DPYD: variants seen among roughly 807,000 people sequenced by gnomAD.
The protein encoded by DPYD is dihydropyrimidine dehydrogenase.
A neutral mutation model predicts 116.2 loss-of-function variants in DPYD; 109 were observed. That is an observed-to-expected ratio of 0.94 (90% CI 0.80 to 1.10). The LOEUF is 1.10. Ranked by LOEUF, DPYD falls within the 50% of genes least tolerant of loss-of-function variation. DPYD has a pLI of 0.00. For missense variants in DPYD, 1,302 were observed against 1,254.5 expected (o/e 1.04, Z -0.57); for synonymous variants, 440 against 432.0 (o/e 1.02, Z -0.23).
intron 3 of DPYD, among the ~76,000 whole-genome samples, chr1:97,744,687 A>G (rs985873259): frequency 1.2e-4 from 19 of 152,040 alleles, no homozygotes; most frequent in Non-Finnish European, 2.5e-4. Context: ...CTACATCATC[A>G]TTTGGAAAGT....
At chr1:97,532,366 G>T (rs1286713316) in intron 12 of DPYD, among the ~76,000 whole-genome samples, 3 of 152,100 alleles carry the variant, frequency 2.0e-5, no homozygotes, top group Non-Finnish European at 4.4e-5. Flanking sequence ...TCTTTGTCTG[G>T]ATTTGGTAAC....
At chr1:97,322,613 A>G (rs1271455478) in intron 16 of DPYD, 5 of 152,006 alleles carry the variant, frequency 3.3e-5, no homozygotes, top group Non-Finnish European at 7.4e-5. Context: ...AAATCCTTGA[A>G]TATATTTATT....
chr1:97,222,477 T>C (rs753613917), intron 19 of DPYD, among the ~76,000 whole-genome samples: 2 of 152,160 alleles, frequency 1.3e-5, no homozygotes, highest in Non-Finnish European at 2.9e-5. Flanking sequence ...AAGTGGAGAA[T>C]GTGTAGTCAC....
intron 12 of DPYD, among the ~76,000 whole-genome samples, chr1:97,548,197 A>G (rs1311802399): frequency 2.0e-5 from 3 of 152,206 alleles, no homozygotes; most frequent in Non-Finnish European, 2.9e-5. Flanking sequence ...AAGAATAAAA[A>G]TTTTATTAAC....
At chr1:97,850,579 T>C (rs1017514491) in intron 2 of DPYD, among the ~76,000 whole-genome samples, 8 of 99,182 alleles carry the variant, frequency 8.1e-5, no homozygotes, top group Non-Finnish European at 1.6e-4. Context: ...ATCTAAAATA[T>C]CAGCCTCAGA....
chr1:97,478,099 A>G (rs1174243936), intron 13 of DPYD, among the ~76,000 whole-genome samples: 1 of 152,188 alleles, frequency 6.6e-6, no homozygotes, highest in Non-Finnish European at 1.5e-5. Context: ...ACATCACCAC[A>G]TTAATCTCCT....
chr1:97,374,084 A>T lies in DPYD; in HGVS notation c.1975-440T>A, dbSNP rs114777697. ...AATAGCTTCTATTTTTATGGACACA[A>T]ATCTTACTAATTATGGATAACTGAT... On this transcript the variant is annotated intron_variant, in intron 15 of 22. Coordinates refer to ENST00000370192, the MANE Select transcript of DPYD (RefSeq NM_000110.4). 7.6e-3 allele frequency among the ~76,000 whole-genome samples: 1,160 copies of T among 152,298 alleles called. 17 individuals carry two copies. The highest frequency in any genetic ancestry group is 0.027 in the African/African-American group (1,108 of 41,566).
At chr1:97,743,828 C>A (rs1261023528) in intron 3 of DPYD, among the ~76,000 whole-genome samples, 1 of 151,936 alleles carries the variant, frequency 6.6e-6, no homozygotes, top group Admixed American at 6.6e-5. Flanking sequence ...ATTTAATTCC[C>A]CTTTTACCTT....
chr1:97,878,460 A>G (rs1571516895), intron 2 of DPYD, among the ~76,000 whole-genome samples: 1 of 151,956 alleles, frequency 6.6e-6, no homozygotes, highest in African/African-American at 2.4e-5. Context: ...CTAATCTTCA[A>G]CTTTTGCAGT....
At chr1:97,854,142 C>CT (rs1326639888) in intron 2 of DPYD, among the ~76,000 whole-genome samples, 1 of 151,988 alleles carries the variant, frequency 6.6e-6, no homozygotes, top group Non-Finnish European at 1.5e-5. Flanking sequence ...AATTGTTTGC[C>CT]TTTTTTTCTT....
At chr1:97,509,864 A>G (rs1455482351) in intron 13 of DPYD, among the ~76,000 whole-genome samples, 3 of 151,960 alleles carry the variant, frequency 2.0e-5, no homozygotes, top group Admixed American at 6.6e-5. Context: ...ATATCCAAAA[A>G]TAAAAGAAAT....
At chr1:97,450,405 A>G (rs893695919) in intron 13 of DPYD, among the ~76,000 whole-genome samples, 182 bp from the exon 14 acceptor site, 2 of 152,220 alleles carry the variant, frequency 1.3e-5, no homozygotes, top group Non-Finnish European at 2.9e-5. Flanking sequence ...AAGGTAAAAT[A>G]AAGTATTTGT....
At chr1:97,887,090 A>T (rs1571532403) in intron 1 of DPYD, among the ~76,000 whole-genome samples, 1 of 152,084 alleles carries the variant, frequency 6.6e-6, no homozygotes, top group South Asian at 2.1e-4. Context: ...TGATAAAACC[A>T]GGGACACCCA....
At chr1:97,819,633 GC>G (rs1406263271) in intron 3 of DPYD, among the ~76,000 whole-genome samples, 1 of 151,764 alleles carries the variant, frequency 6.6e-6, no homozygotes, top group African/African-American at 2.4e-5. Context: ...CTTCTTCAAT[GC>G]CACTTTGATT....
intron 14 of DPYD, among the ~76,000 whole-genome samples, chr1:97,403,456 T>C (rs1673479292): frequency 6.6e-6 from 1 of 152,088 alleles, no homozygotes; most frequent in South Asian, 2.1e-4. Flanking sequence ...TCTTTTGCTT[T>C]GTTTTGGAAG....
intron 18 of DPYD, among the ~76,000 whole-genome samples, chr1:97,240,011 T>A (rs1274206836): frequency 1.3e-5 from 2 of 152,102 alleles, no homozygotes; most frequent in Non-Finnish European, 2.9e-5. Flanking sequence ...GCCTTCTATG[T>A]TCTTGTGTGT....
chr1:97,806,433 T>C (rs1668081423), intron 3 of DPYD, among the ~76,000 whole-genome samples: 1 of 151,984 alleles, frequency 6.6e-6, no homozygotes, highest in Non-Finnish European at 1.5e-5. Flanking sequence ...CTCAGGTTTC[T>C]ACTGGATGTG....
chr1:97,525,875 T>A (rs1649029200), intron 12 of DPYD, among the ~76,000 whole-genome samples: 1 of 117,574 alleles, frequency 8.5e-6, no homozygotes, highest in Non-Finnish European at 1.8e-5. Context: ...AGTGTGCGTG[T>A]GTGTGTGTGT....
intron 2 of DPYD, among the ~76,000 whole-genome samples, chr1:97,870,778 C>T (rs907664685): frequency 5.3e-5 from 8 of 151,776 alleles, no homozygotes; most frequent in African/African-American, 1.9e-4. Context: ...TCAAAGTGCT[C>T]CCTCTAATGT....
Sources: allele counts gnomAD v4.1 joint callset (sites outside exome capture counted in the v4.1 genomes callset), GRCh38; gene constraint gnomAD v4.1.1; transcripts MANE v1.5; gene names NCBI Gene and HGNC (gene_info 2026-07-23, HGNC 2026-07-21).